ARRDC5: variants seen among roughly 807,000 people sequenced by gnomAD.
The protein encoded by ARRDC5 is arrestin domain-containing protein 5.
ARRDC5 carries 12 observed loss-of-function variants against 13.3 expected under a neutral mutation model. The ratio of observed to expected loss-of-function variants is 0.90; its 90% CI spans 0.58 to 1.46. The LOEUF (loss-of-function observed/expected upper bound fraction) is 1.46, where lower values mean the gene tolerates loss of function less well. Among genes scored for constraint, ARRDC5 ranks in the 40% most tolerant of loss-of-function variants. The probability of loss-of-function intolerance (pLI) is 0.00; values close to 1 mark genes in which losing one functional copy is unlikely to be tolerated. For missense variants in ARRDC5, 406 were observed against 418.7 expected (o/e 0.97, Z 0.26); for synonymous variants, 181 against 173.4 (o/e 1.04, Z -0.34).
chr19:4,897,638 T>C (rs1322582750), intron 1 of ARRDC5, among the ~76,000 whole-genome samples: 2 of 152,118 alleles, frequency 1.3e-5, no homozygotes, highest in Non-Finnish European at 2.9e-5. Flanking sequence ...CACCTCAGCC[T>C]CCAGAAGAGC....
chr19:4,890,969 A>G lies in ARRDC5; in HGVS notation c.*77T>C. 7.7e-7 allele frequency: 1 copy of G among 1,292,690 alleles called. No individual in the cohort carries two copies. The highest frequency in any genetic ancestry group is 1.1e-6 in the Non-Finnish European group (1 of 940,676). 80.1% of individuals were successfully genotyped at this position (1,292,690 alleles called of 1,614,324 possible). On this transcript the variant is annotated 3_prime_UTR_variant, in exon 3 of 3. Transcript: ENST00000650722. ...TGTTGCCCACTCCTCGACTCCTCTG[A>G]GAGTCACCTGTGCAAGAGAGAGGGC...
At chr19:4,907,649 T>C (rs547323726), upstream of ARRDC5, among the ~76,000 whole-genome samples, 1 of 151,342 alleles carries the variant, frequency 6.6e-6, no homozygotes, top group African/African-American at 2.4e-5. Context: ...TAGGAGTCTT[T>C]CTTGCTTTTT....
Position 4,893,191 on chromosome 19 carries a change from A to G in ARRDC5, c.460-1618T>C, listed in dbSNP as rs564935188. ...TTATTATATATAATATATTATAATA[A>G]TATAACATATTATATATATATTATA... On this transcript the variant is annotated intron_variant, in intron 2 of 2. Coordinates refer to ENST00000650722, the MANE Select transcript of ARRDC5 (RefSeq NM_001080523.3). Among the ~76,000 whole-genome samples, 10 of 140,920 alleles carry G rather than the reference A, an allele frequency of 7.1e-5. No individual in the cohort carries two copies. In the East Asian group the frequency reaches 2.0e-3, roughly 28 times the overall value. The allele number at this position is 140,920 out of a possible 152,430, so 92.4% of individuals were successfully genotyped here.
chr19:4,914,535 T>C, the ARRDC5 span, among the ~76,000 whole-genome samples: 1 of 151,864 alleles, frequency 6.6e-6, no homozygotes, highest in Non-Finnish European at 1.5e-5. Context: ...TTGGGCTGAA[T>C]AGGGTGACAG....
Position 4,902,722 on chromosome 19 carries a change from A to G in ARRDC5, c.104T>C (p.Leu35Pro). 6.2e-7 allele frequency: 1 copy of G among 1,614,050 alleles called. No individual in the cohort carries two copies. Among genetic ancestry groups the G allele is most frequent in the Non-Finnish European group, 8.5e-7 (1 of 1,179,902 alleles). ...CTCCACCTTCACTATGGGGTCCACC[A>G]GGGTGCTGTTCAGGGTTAAGATCAC... ...GQVILTLNSTLVDPIVKVELV... is the reference protein window; with the variant it reads ...GQVILTLNSTPVDPIVKVELV... Residue 35 changes from leucine to proline, a missense_variant, in exon 1 of 3, where the codon CTG becomes CCG. Coordinates refer to ENST00000650722, the MANE Select transcript of ARRDC5 (RefSeq NM_001080523.3).
At chr19:4,909,611 G>A in the ARRDC5 span, 1 of 630,150 alleles carries the variant, frequency 1.6e-6, no homozygotes, top group South Asian at 1.7e-5. Context: ...ATCCCCAGCC[G>A]GGCCACGCGC....
At chr19:4,905,511 T>G (rs2032049177), upstream of ARRDC5, among the ~76,000 whole-genome samples, 1 of 151,350 alleles carries the variant, frequency 6.6e-6, no homozygotes, top group African/African-American at 2.4e-5. Context: ...ATTTTATTAT[T>G]TATTTATTTA....
the ARRDC5 span, chr19:4,910,978 G>A: frequency 6.2e-7 from 1 of 1,613,094 alleles, no homozygotes; most frequent in Non-Finnish European, 8.5e-7. Context: ...TGAGGCGGAA[G>A]ATCCAGGAGC....
Position 4,902,569 on chromosome 19 carries a change from T to A in ARRDC5, c.253+4A>T. On this transcript the variant is annotated splice_donor_region_variant and intron_variant, in intron 1 of 2. Transcript: ENST00000650722. ...CTAGGGGTGGCTGTTGGCCTCGTCC[T>A]TACCCTCCACTGGGAATGTCTTTGT... 1 of 1,613,354 alleles carries A rather than the reference T, an allele frequency of 6.2e-7. No homozygotes were observed. Among genetic ancestry groups the A allele is most frequent in the East Asian group, 2.2e-5 (1 of 44,884 alleles).
At chr19:4,912,609 C>A in the ARRDC5 span, among the ~76,000 whole-genome samples, 1 of 152,154 alleles carries the variant, frequency 6.6e-6, no homozygotes, top group Non-Finnish European at 1.5e-5. Flanking sequence ...TATCTTGAAG[C>A]GCTCTGTCTT....
intron 1 of ARRDC5, among the ~76,000 whole-genome samples, chr19:4,900,759 C>A (rs1364224155): frequency 2.0e-5 from 3 of 152,138 alleles, no homozygotes; most frequent in African/African-American, 4.8e-5. Flanking sequence ...GTGGCTCATG[C>A]CTGTAATCCC....
rs777982264 is a variant in ARRDC5 at position 4,896,665 on chromosome 19, C to T, written c.459+6G>A. The T allele has an allele frequency of 2.9e-5, 47 of 1,600,310 alleles. No homozygotes were observed. The highest frequency in any genetic ancestry group is 8.3e-5 in the Admixed American group (5 of 59,896). On this transcript the variant is annotated splice_donor_region_variant and intron_variant, in intron 2 of 2. Coordinates refer to ENST00000650722, the MANE Select transcript of ARRDC5 (RefSeq NM_001080523.3). Reference sequence around the variant, plus strand: ...GTTCCCACCTCCACCTTTCCCCCATCGGTACCTGGAATGGGGTTTCTTTGT... The same window carrying T: ...GTTCCCACCTCCACCTTTCCCCCATTGGTACCTGGAATGGGGTTTCTTTGT...
In ARRDC5 at chr19:4,896,405, C is replaced by CATAT. The variant is rs1555740989; in HGVS notation, c.459+262_459+265dup. Among the ~76,000 whole-genome samples the CATAT allele has an allele frequency of 7.0e-3, 742 of 106,316 alleles. 6 individuals carry two copies. Among genetic ancestry groups the CATAT allele is most frequent in the Middle Eastern group, 0.011 (2 of 188 alleles). 69.7% of individuals were successfully genotyped at this position (106,316 alleles called of 152,430 possible). Reference sequence around the variant, plus strand: ...ACACACACACACACACACACACACACATATATATAATTTTATTTTAGAGAC... The same window carrying CATAT: ...ACACACACACACACACACACACACACATATATATATATAATTTTATTTTAGAGAC... On this transcript the variant is annotated intron_variant, in intron 2 of 2. Transcript: ENST00000650722.
Position 4,896,797 on chromosome 19 carries a change from G to C in ARRDC5, c.333C>G (p.Ser111Arg). Residue 111 changes from serine (S) to arginine (R), a missense_variant, in exon 2 of 3, where the codon AGC (serine) becomes AGG (arginine). By Grantham distance (110) the Ser-to-Arg change is moderately radical. Transcript: ENST00000650722. The part of the protein sequence containing the change: ...LPPRLPSTFT[S>R]KFGHVFYFVQ... ...CGAAATAGAAGACATGGCCAAATTT[G>C]CTGGTGAAGGTAGAAGGAAGCCTGG... 1.2e-6 allele frequency: 2 copies of C among 1,613,882 alleles called. No homozygotes were observed. Among genetic ancestry groups the C allele is most frequent in the East Asian group, 4.5e-5 (2 of 44,872 alleles).
At chr19:4,904,754 G>A (rs1208684726), upstream of ARRDC5, among the ~76,000 whole-genome samples, 1 of 152,198 alleles carries the variant, frequency 6.6e-6, no homozygotes, top group Non-Finnish European at 1.5e-5. Flanking sequence ...GTGGGTGTGG[G>A]GGGTGGAATC....
Position 4,896,817 on chromosome 19 carries a change from G to C in ARRDC5, c.313C>G (p.Leu105Val), listed in dbSNP as rs564003040. ...AATTTGCTGGTGAAGGTAGAAGGAA[G>C]CCTGGGAGGTAAGTTGAAATGGAAG... The part of the protein sequence containing the change: ...FDFHFNLPPR[L>V]PSTFTSKFGH... The change falls in exon 2 of 3, where the codon CTT becomes GTT. Residue 105 changes from leucine (L) to valine (V), a missense_variant. Leu to Val is a conservative substitution (Grantham distance 32). Transcript: ENST00000650722. 1 of 1,613,880 alleles carries C rather than the reference G, an allele frequency of 6.2e-7. No individual in the cohort carries two copies. Among genetic ancestry groups the C allele is most frequent in the East Asian group, 2.2e-5 (1 of 44,880 alleles).
chr19:4,894,384 G>GC (rs918977139), intron 2 of ARRDC5, among the ~76,000 whole-genome samples: 11 of 149,650 alleles, frequency 7.4e-5, no homozygotes, highest in African/African-American at 2.7e-4. Flanking sequence ...AGTGGCAGGC[G>GC]CCTGTAGTCC....
the ARRDC5 span, chr19:4,909,321 G>A: frequency 3.5e-6 from 2 of 572,164 alleles, no homozygotes; most frequent in African/African-American, 2.0e-5. Context: ...GAGCGCGCAG[G>A]GCTGGGCGGA....
At chr19:4,891,668 T>A in intron 2 of ARRDC5, 95 bp from the exon 3 acceptor site, 1 of 1,124,378 alleles carries the variant, frequency 8.9e-7, no homozygotes, top group Non-Finnish European at 1.3e-6. Flanking sequence ...TCAAAGTCTG[T>A]GGGGCTGGCT....
Sources: gnomAD v4.1 joint callset for allele counts (sites outside exome capture counted in the v4.1 genomes callset) on GRCh38, gnomAD v4.1.1 for gene constraint, MANE v1.5 for transcripts, NCBI Gene and HGNC (gene_info 2026-07-23, HGNC 2026-07-21) for gene names.